The following FHOD3 variants were observed in gnomAD, a reference collection of about 807,000 sequenced individuals.
FHOD3 encodes the protein formin homology 2 domain containing 3, also known as FH1/FH2 domain-containing protein 3.
A neutral mutation model predicts 173.0 loss-of-function variants in FHOD3; 90 were observed. The observed-to-expected ratio is 0.52, with a 90% CI of 0.44 to 0.62. FHOD3 has a LOEUF of 0.62. FHOD3 is among the 20% of genes least tolerant of loss of function. The pLI, the probability that FHOD3 is intolerant of heterozygous loss-of-function variation, is 0.00. For synonymous variants in FHOD3, 828 were observed against 823.0 expected (o/e 1.01, Z -0.10); for missense variants, 1,945 against 2,034.7 (o/e 0.96, Z 0.85).
In FHOD3 at chr18:36,609,766, C is replaced by T. The variant is rs1251666312; in HGVS notation, c.814-2186C>T. ...CTGGGATTACAAGCATGTGCCACCA[C>T]ATCCTGCTAAATTTGTGTATTTTTA... On this transcript the variant is annotated intron_variant, in intron 8 of 28. Transcript: ENST00000590592. 5.9e-5 allele frequency among the ~76,000 whole-genome samples: 9 copies of T among 152,076 alleles called. No homozygotes were observed. The South Asian group carries it at 6.2e-4, about 11-fold the overall frequency.
At chr18:36,335,017 C>G (rs1049558748) in intron 1 of FHOD3, among the ~76,000 whole-genome samples, 1 of 152,216 alleles carries the variant, frequency 6.6e-6, no homozygotes. Context: ...GTCCCTACCC[C>G]TTGTGGCCTT....
intron 1 of FHOD3, among the ~76,000 whole-genome samples, chr18:36,312,226 G>A (rs892761573): frequency 2.0e-5 from 3 of 152,156 alleles, no homozygotes; most frequent in South Asian, 2.1e-4. Flanking sequence ...TTGATGGTGC[G>A]GTATTCACCT....
chr18:36,525,077 A>G (rs578031421), intron 5 of FHOD3, among the ~76,000 whole-genome samples: 8 of 152,312 alleles, frequency 5.3e-5, no homozygotes, highest in Admixed American at 5.2e-4. Flanking sequence ...GACCCTGTAT[A>G]ATCCCCTCCC....
chr18:36,742,935 A>T lies in FHOD3; in HGVS notation c.3879+79A>T. 2.0e-6 allele frequency: 3 copies of T among 1,531,832 alleles called. No homozygotes were observed. The South Asian group carries it at 3.9e-5, about 20-fold the overall frequency. 94.9% of individuals were successfully genotyped at this position (1,531,832 alleles called of 1,614,324 possible). A position where few individuals can be genotyped will look rare whatever the true frequency, so the allele number is the denominator to read the frequency against. ...CCCAGCAATTGCTGATGAAGGTTGTACCTCAGGTTCCCCAAAGCACAGTGG... is the reference window on the plus strand; with the variant it reads ...CCCAGCAATTGCTGATGAAGGTTGTTCCTCAGGTTCCCCAAAGCACAGTGG... On this transcript the variant is annotated intron_variant, in intron 22 of 28. Transcript: ENST00000590592.
intron 1 of FHOD3, among the ~76,000 whole-genome samples, chr18:36,306,475 T>A (rs2092101210): frequency 6.6e-6 from 1 of 152,166 alleles, no homozygotes; most frequent in Non-Finnish European, 1.5e-5. Flanking sequence ...TAGAACCAGA[T>A]ATGTTCCATT....
At position 36,653,369 on chromosome 18, in the gene FHOD3, A is replaced by G. The variant is rs1246909330; in HGVS notation, c.1674A>G (p.Thr558=). 51 of 1,535,044 alleles carry G rather than the reference A, an allele frequency of 3.3e-5. No individual in the cohort carries two copies. The highest frequency in any genetic ancestry group is 4.2e-5 in the Non-Finnish European group (48 of 1,146,596). Residue 558 remains threonine, a synonymous_variant, in exon 13 of 29, where the codon ACA becomes ACG. Transcript: ENST00000590592. ...CCTCTGATTCTTTCTCTTTGAGCAC[A>G]TATTCTGCCTCTGAGCCTTACCACT... is the stretch of plus-strand genomic sequence containing the variant. The part of the protein sequence containing the change: ...NSSSDSFSLS[T]YSASEPYHFR...
chr18:36,754,198 G>T (rs1450369195), intron 24 of FHOD3, among the ~76,000 whole-genome samples: 1 of 152,050 alleles, frequency 6.6e-6, no homozygotes, highest in East Asian at 1.9e-4. Context: ...AATACAAGTT[G>T]TATGTTTACT....
chr18:36,396,007 G>T (rs191226465), intron 3 of FHOD3, among the ~76,000 whole-genome samples: 1 of 152,092 alleles, frequency 6.6e-6, no homozygotes, highest in Admixed American at 6.6e-5. Context: ...AATTTTGCAC[G>T]TTAACAGTTT....
Position 36,658,096 on chromosome 18 carries a change from C to A in FHOD3, c.1743C>A (p.Asn581Lys). 6.2e-7 allele frequency: 1 copy of A among 1,607,550 alleles called. No individual in the cohort carries two copies. Among genetic ancestry groups the A allele is most frequent in the South Asian group, 1.1e-5 (1 of 90,684 alleles). Residue 581 changes from asparagine (N) to lysine (K), a missense_variant, in exon 14 of 29, where the codon AAC becomes AAA. By Grantham distance (94) the Asn-to-Lys change is moderately conservative. Transcript: ENST00000590592. ...TTAGATACAGCAATTTTGGCAATAACTCTTATCACTCCTCAAGACCCTCAT... is the reference window on the plus strand; with the variant it reads ...TTAGATACAGCAATTTTGGCAATAAATCTTATCACTCCTCAAGACCCTCAT... ...SSNRYSNFGNNSYHSSRPSSG... is the reference protein window; with the variant it reads ...SSNRYSNFGNKSYHSSRPSSG...
intron 5 of FHOD3, among the ~76,000 whole-genome samples, chr18:36,541,496 T>C (rs2057218476): frequency 6.6e-6 from 1 of 151,994 alleles, no homozygotes; most frequent in Non-Finnish European, 1.5e-5. Context: ...CTGTCACTGC[T>C]CCAGCCTGGG....
intron 3 of FHOD3, among the ~76,000 whole-genome samples, chr18:36,385,548 C>G (rs950938460): frequency 2.0e-5 from 3 of 152,088 alleles, no homozygotes; most frequent in Non-Finnish European, 4.4e-5. Flanking sequence ...AGGCGCCCAC[C>G]ACCATGCCTG....
At chr18:36,331,264 A>T (rs1026297836) in intron 1 of FHOD3, among the ~76,000 whole-genome samples, 7 of 152,238 alleles carry the variant, frequency 4.6e-5, no homozygotes, top group Non-Finnish European at 8.8e-5. Context: ...GGGGGGTTTT[A>T]GTCCTCTCTC....
chr18:36,367,684 G>T (rs1372085358), intron 2 of FHOD3, among the ~76,000 whole-genome samples: 1 of 152,084 alleles, frequency 6.6e-6, no homozygotes, highest in African/African-American at 2.4e-5. Context: ...ATTAGTCAGG[G>T]TTCTCCAGAG....
At chr18:36,414,680 G>C (rs534297791) in intron 3 of FHOD3, among the ~76,000 whole-genome samples, 9 of 152,320 alleles carry the variant, frequency 5.9e-5, no homozygotes, top group South Asian at 2.1e-4. Context: ...GGCAACAGTG[G>C]CGGCAGTAGA....
intron 28 of FHOD3, among the ~76,000 whole-genome samples, chr18:36,772,779 A>G (rs1371405290): frequency 2.0e-5 from 3 of 152,248 alleles, no homozygotes; most frequent in Non-Finnish European, 4.4e-5. Context: ...AAATGTCTCA[A>G]ATCGTCCAGG....
chr18:36,751,426 G>A (rs1351382839), intron 24 of FHOD3, among the ~76,000 whole-genome samples: 1 of 152,216 alleles, frequency 6.6e-6, no homozygotes, highest in Non-Finnish European at 1.5e-5. Flanking sequence ...TGCAAACAAA[G>A]ATAGTTTGAC....
intron 3 of FHOD3, among the ~76,000 whole-genome samples, chr18:36,380,824 CAT>C (rs2047743239): frequency 6.6e-6 from 1 of 152,130 alleles, no homozygotes; most frequent in African/African-American, 2.4e-5. Context: ...AAAAAAGTCA[CAT>C]GAGCCCCATT....
chr18:36,451,741 G>A (rs932292508), intron 3 of FHOD3, among the ~76,000 whole-genome samples: 6 of 152,218 alleles, frequency 3.9e-5, no homozygotes, highest in African/African-American at 1.4e-4. Context: ...TCTCTGAGGT[G>A]GGAGGGAGGG....
intron 6 of FHOD3, among the ~76,000 whole-genome samples, chr18:36,578,133 G>T (rs190182092): frequency 2.6e-5 from 4 of 152,176 alleles, no homozygotes; most frequent in Non-Finnish European, 5.9e-5. Context: ...TCCCTGAAAA[G>T]CATATTGGAT....
Sources: allele counts gnomAD v4.1 joint callset (sites outside exome capture counted in the v4.1 genomes callset), GRCh38; gene constraint gnomAD v4.1.1; transcripts MANE v1.5; gene names NCBI Gene and HGNC (gene_info 2026-07-23, HGNC 2026-07-21).